Variants in MYT1L observed in about 807,000 individuals in gnomAD.
The protein encoded by MYT1L is myelin transcription factor 1-like protein.
A neutral mutation model predicts 126.7 loss-of-function variants in MYT1L; 12 were observed. The observed-to-expected ratio is 0.09, with a 90% CI of 0.06 to 0.15. The LOEUF (loss-of-function observed/expected upper bound fraction) is 0.15, where lower values mean the gene tolerates loss of function less well. MYT1L is among the 10% of genes least tolerant of loss of function. The pLI, the probability that MYT1L is intolerant of heterozygous loss-of-function variation, is 1.00. For synonymous variants in MYT1L, 541 were observed against 604.2 expected (o/e 0.90, Z 1.53); for missense variants, 979 against 1,585.2 (o/e 0.62, Z 6.49).
Position 1,965,049 on chromosome 2 carries a change from C to T in MYT1L, c.152+14116G>A, listed in dbSNP as rs139057222. Among the ~76,000 whole-genome samples the T allele has an allele frequency of 4.0e-4, 61 of 152,358 alleles. 1 individual carries two copies. The highest frequency in any genetic ancestry group is 3.4e-3 in the Middle Eastern group (1 of 294). The stretch of plus-strand genomic sequence containing the variant: ...TCAGTGCCCAGAAAATTAAATTCAC[C>T]AGAGTATTCCGGTCACCAGCAGCAC... On this transcript the variant is annotated intron_variant, in intron 8 of 24. Transcript: ENST00000647738.
At chr2:2,242,364 C>T (rs889124170) in intron 2 of MYT1L, among the ~76,000 whole-genome samples, 4 of 152,096 alleles carry the variant, frequency 2.6e-5, no homozygotes, top group Non-Finnish European at 5.9e-5. Flanking sequence ...ACACGTAAAG[C>T]GCATTCCAGG....
At chr2:2,216,983 T>C (rs1039063498) in intron 2 of MYT1L, among the ~76,000 whole-genome samples, 1 of 152,136 alleles carries the variant, frequency 6.6e-6, no homozygotes, top group Non-Finnish European at 1.5e-5. Context: ...CAATAAGAAA[T>C]AGGTATCTTG....
At chr2:2,051,497 G>A (rs1019064654) in intron 4 of MYT1L, among the ~76,000 whole-genome samples, 1 of 152,128 alleles carries the variant, frequency 6.6e-6, no homozygotes, top group African/African-American at 2.4e-5. Flanking sequence ...TGAACCGCTG[G>A]ACACCAGCGT....
intron 1 of MYT1L, among the ~76,000 whole-genome samples, chr2:2,288,436 G>C (rs2149446137): frequency 6.6e-6 from 1 of 152,280 alleles, no homozygotes. Context: ...TCATTATCTG[G>C]GTCCTCCACA....
chr2:2,105,664 G>A lies in MYT1L; in HGVS notation c.-303-51541C>T, dbSNP rs540205373. On this transcript the variant is annotated intron_variant, in intron 3 of 24. Coordinates refer to ENST00000647738, the MANE Select transcript of MYT1L (RefSeq NM_001303052.2). ...TTCAAACACGTTTAAAAAGTAAGGC[G>A]TCATACGTTCACAAAAATTTCTTAT... 6.6e-5 allele frequency among the ~76,000 whole-genome samples: 10 copies of A among 152,188 alleles called. No homozygotes were observed. The South Asian group carries it at 8.3e-4, about 13-fold the overall frequency.
intron 2 of MYT1L, among the ~76,000 whole-genome samples, chr2:2,260,371 TACA>T (rs2094931778): frequency 6.6e-6 from 1 of 152,254 alleles, no homozygotes; most frequent in South Asian, 2.1e-4. Flanking sequence ...CCTATTATTA[TACA>T]ACAACTCTAA....
chr2:1,895,596 C>G (rs1477723114), intron 14 of MYT1L, among the ~76,000 whole-genome samples: 1 of 152,116 alleles, frequency 6.6e-6, no homozygotes, highest in East Asian at 1.9e-4. Flanking sequence ...CCAATGAGAA[C>G]AAGCAGTGGG....
intron 14 of MYT1L, among the ~76,000 whole-genome samples, chr2:1,902,040 T>C (rs183456533): frequency 3.9e-4 from 60 of 152,334 alleles, no homozygotes; most frequent in Middle Eastern, 3.4e-3. Context: ...AGCATCATGA[T>C]AAGACTTCTA....
Position 2,149,257 on chromosome 2 carries a change from G to GA in MYT1L, c.-304+23614dup, listed in dbSNP as rs543604084. 1.2e-3 allele frequency among the ~76,000 whole-genome samples: 177 copies of GA among 152,248 alleles called. 2 individuals are homozygous for GA. Among genetic ancestry groups the GA allele is most frequent in the African/African-American group, 4.0e-3 (165 of 41,546 alleles). ...CTGTAAGCAATAAGGGACTTTAATG[G>GA]AAAAGTGTCTTTAAAACCAGCGGAA... On this transcript the variant is annotated intron_variant, in intron 3 of 24. Transcript: ENST00000647738.
intron 2 of MYT1L, among the ~76,000 whole-genome samples, chr2:2,281,878 T>C (rs1343807104): frequency 6.6e-6 from 1 of 152,188 alleles, no homozygotes; most frequent in African/African-American, 2.4e-5. Context: ...GTAAGCTATC[T>C]GTTCCTGGAA....
chr2:2,005,085 G>T lies in MYT1L; in HGVS notation c.-157-7738C>A, dbSNP rs1162151617. Among the ~76,000 whole-genome samples the T allele has an allele frequency of 4.9e-3, 615 of 124,246 alleles. 6 individuals carry two copies. The highest frequency in any genetic ancestry group is 0.018 in the African/African-American group (569 of 32,480). 81.5% of individuals were successfully genotyped at this position (124,246 alleles called of 152,430 possible). A position where few individuals can be genotyped will look rare whatever the true frequency, so the allele number is the denominator to read the frequency against. ...TTTCCTGCATGCGTTCTTTCCTGCA[G>T]GCGTTCTTTCCTGAATATGTTCTTT... On this transcript the variant is annotated intron_variant, in intron 4 of 24. Coordinates refer to ENST00000647738, the MANE Select transcript of MYT1L (RefSeq NM_001303052.2).
chr2:2,108,366 T>C (rs2079003290), intron 3 of MYT1L, among the ~76,000 whole-genome samples: 1 of 152,208 alleles, frequency 6.6e-6, no homozygotes, highest in African/African-American at 2.4e-5. Context: ...TTACCCTTCA[T>C]ACAGGGGCAT....
intron 3 of MYT1L, among the ~76,000 whole-genome samples, chr2:2,125,513 G>A (rs2081570609): frequency 6.6e-6 from 1 of 152,174 alleles, no homozygotes; most frequent in Non-Finnish European, 1.5e-5. Flanking sequence ...GCTGTGGTTA[G>A]GTGTTAGGCA....
intron 1 of MYT1L, among the ~76,000 whole-genome samples, chr2:2,328,914 A>G (rs756594048): frequency 2.6e-5 from 4 of 152,184 alleles, no homozygotes; most frequent in Non-Finnish European, 4.4e-5. Context: ...AAAACATCCA[A>G]ATGTGACCAT....
chr2:2,040,445 G>GCTCCGGTGC (rs2067403857), intron 4 of MYT1L, among the ~76,000 whole-genome samples: 1 of 152,168 alleles, frequency 6.6e-6, no homozygotes, highest in South Asian at 2.1e-4. Flanking sequence ...GAGTCAGTGT[G>GCTCCGGTGC]AGGCTCTGGT....
rs532944178 is a variant in MYT1L at position 2,094,537 on chromosome 2, G to C, written c.-303-40414C>G. On this transcript the variant is annotated intron_variant, in intron 3 of 24. Coordinates refer to ENST00000647738, the MANE Select transcript of MYT1L (RefSeq NM_001303052.2). ...GGAACCAACCCAAATGTCCAACAATGATAGACTGGATTAAGAAAATGTGGC... is the reference window on the plus strand; with the variant it reads ...GGAACCAACCCAAATGTCCAACAATCATAGACTGGATTAAGAAAATGTGGC... Among the ~76,000 whole-genome samples, 17 of 152,288 alleles carry C rather than the reference G, an allele frequency of 1.1e-4. No homozygotes were observed. In the South Asian group the frequency reaches 1.7e-3, roughly 15 times the overall value.
chr2:2,230,135 C>T (rs181075127), intron 2 of MYT1L, among the ~76,000 whole-genome samples: 9 of 152,286 alleles, frequency 5.9e-5, no homozygotes, highest in Middle Eastern at 3.4e-3. Context: ...CCCTTTTATA[C>T]GGTGAACAGT....
At chr2:2,106,678 C>T (rs922942723) in intron 3 of MYT1L, among the ~76,000 whole-genome samples, 5 of 152,190 alleles carry the variant, frequency 3.3e-5, no homozygotes, top group African/African-American at 1.2e-4. Flanking sequence ...AGGGAAGTCT[C>T]TCACGTTCCT....
intron 2 of MYT1L, among the ~76,000 whole-genome samples, chr2:2,202,890 C>T (rs1440825872): frequency 5.3e-5 from 8 of 152,068 alleles, no homozygotes; most frequent in African/African-American, 9.7e-5. Context: ...ACTGGCAAAC[C>T]GAATCCAGCA....
Sources: gnomAD v4.1 joint callset for allele counts (sites outside exome capture counted in the v4.1 genomes callset) on GRCh38, gnomAD v4.1.1 for gene constraint, MANE v1.5 for transcripts, NCBI Gene and HGNC (gene_info 2026-07-23, HGNC 2026-07-21) for gene names.